ARAP2: variants seen among roughly 807,000 people sequenced by gnomAD.
ARAP2 encodes the protein ArfGAP with RhoGAP domain, ankyrin repeat and PH domain 2.
Under a neutral mutation model 194.5 loss-of-function variants are expected in ARAP2, and 148 were observed. That is an observed-to-expected ratio of 0.76 (90% CI 0.67 to 0.87). ARAP2 has a LOEUF of 0.87. Ranked by LOEUF, ARAP2 falls within the 40% of genes least tolerant of loss-of-function variation. The pLI, the probability that ARAP2 is intolerant of heterozygous loss-of-function variation, is 0.00. For missense variants in ARAP2, 2,128 were observed against 1,989.7 expected (o/e 1.07, Z -1.32); for synonymous variants, 695 against 683.5 (o/e 1.02, Z -0.26).
chr4:36,008,529 C>T (rs1713785214), intron 9 of ARAP2, among the ~76,000 whole-genome samples: 1 of 151,912 alleles, frequency 6.6e-6, no homozygotes, highest in African/African-American at 2.4e-5. Context: ...TACCACCATA[C>T]ACAAAAAATT....
At chr4:36,009,884 G>GA (rs950840981) in intron 9 of ARAP2, among the ~76,000 whole-genome samples, 1 of 143,060 alleles carries the variant, frequency 7.0e-6, no homozygotes, top group African/African-American at 2.6e-5. Context: ...TTTTTTTGGC[G>GA]GGGGGTAGGG....
intron 27 of ARAP2, among the ~76,000 whole-genome samples, chr4:36,096,675 C>A (rs915897186): frequency 6.6e-6 from 1 of 152,072 alleles, no homozygotes; most frequent in Non-Finnish European, 1.5e-5. Flanking sequence ...ATTGATCACA[C>A]CGTCATACTA....
chr4:36,190,157 C>A (rs1334355138), intron 7 of ARAP2, among the ~76,000 whole-genome samples: 1 of 152,182 alleles, frequency 6.6e-6, no homozygotes. Flanking sequence ...ATACTTACTG[C>A]CTCCTCAACC....
chr4:36,173,896 A>G (rs1737217625), intron 9 of ARAP2, among the ~76,000 whole-genome samples: 1 of 152,202 alleles, frequency 6.6e-6, no homozygotes, highest in African/African-American at 2.4e-5. Flanking sequence ...CCTATCACAT[A>G]GCTGTAACAT....
chr4:36,140,671 A>C (rs1390666153), intron 19 of ARAP2, among the ~76,000 whole-genome samples: 1 of 151,720 alleles, frequency 6.6e-6, no homozygotes, highest in Non-Finnish European at 1.5e-5. Flanking sequence ...GATCATATGG[A>C]ATAAGGTGAT....
chr4:36,037,320 C>T (rs1409818888), intron 5 of ARAP2, among the ~76,000 whole-genome samples: 3 of 152,114 alleles, frequency 2.0e-5, no homozygotes, highest in Non-Finnish European at 2.9e-5. Flanking sequence ...CACTGTCATT[C>T]CTCAACTTTG....
intron 28 of ARAP2, among the ~76,000 whole-genome samples, chr4:36,089,904 T>TCAATC (rs1713086610): frequency 6.6e-6 from 1 of 152,094 alleles, no homozygotes; most frequent in South Asian, 2.1e-4. Flanking sequence ...TACATTTTTC[T>TCAATC]CAATCTGGGA....
At chr4:36,014,061 C>A (rs2109316359) in intron 8 of ARAP2, among the ~76,000 whole-genome samples, 1 of 151,520 alleles carries the variant, frequency 6.6e-6, no homozygotes, top group African/African-American at 2.4e-5. Context: ...ACCCCATCTC[C>A]ACCAAAACTA....
chr4:36,071,460 C>T (rs1478019444), intron 32 of ARAP2, among the ~76,000 whole-genome samples: 1 of 152,148 alleles, frequency 6.6e-6, no homozygotes, highest in Admixed American at 6.5e-5. Flanking sequence ...AGCTGGCTCA[C>T]TACTAATTTC....
Position 36,229,517 on chromosome 4 carries a change from A to G in ARAP2, c.-31T>C, listed in dbSNP as rs756286964. The G allele has an allele frequency of 6.5e-7, 1 of 1,540,122 alleles. No individual in the cohort carries two copies. The highest frequency in any genetic ancestry group is 1.9e-5 in the Admixed American group (1 of 52,804). ...TGGCTTCATTACTAAGCTGAGTTAC[A>G]AAAAGTGGCACGATGAGACACACAC... On this transcript the variant is annotated 5_prime_UTR_variant, in exon 2 of 33. Coordinates refer to ENST00000303965, the MANE Select transcript of ARAP2 (RefSeq NM_015230.4).
intron 28 of ARAP2, among the ~76,000 whole-genome samples, chr4:36,084,617 T>A (rs1367138040): frequency 2.6e-5 from 4 of 152,112 alleles, no homozygotes; most frequent in Non-Finnish European, 4.4e-5. Flanking sequence ...TTATATTTTC[T>A]TTACACCTCT....
intron 19 of ARAP2, among the ~76,000 whole-genome samples, chr4:36,142,708 A>T (rs1041660143): frequency 2.0e-5 from 3 of 151,606 alleles, no homozygotes; most frequent in Non-Finnish European, 4.4e-5. Flanking sequence ...CTCTCTGAGG[A>T]AACAAGCAGC....
At chr4:36,119,053 C>T (rs1722070483) in intron 24 of ARAP2, among the ~76,000 whole-genome samples, 1 of 151,372 alleles carries the variant, frequency 6.6e-6, no homozygotes, top group Non-Finnish European at 1.5e-5. Flanking sequence ...GATGACTAAT[C>T]ATCAACCTTA....
At chr4:36,084,228 T>G (rs1419396819) in intron 28 of ARAP2, among the ~76,000 whole-genome samples, 1 of 152,064 alleles carries the variant, frequency 6.6e-6, no homozygotes, top group East Asian at 1.9e-4. Flanking sequence ...CATATATACA[T>G]CTATCCTATT....
At chr4:36,073,549 T>C (rs1047494180) in intron 32 of ARAP2, 140 bp downstream of exon 32, 165 of 961,302 alleles carry the variant, frequency 1.7e-4, no homozygotes, top group Admixed American at 8.2e-5. Flanking sequence ...TTTCTTGCTG[T>C]ATGTGATTAT....
At chr4:36,032,985 A>T (rs941311297) in intron 5 of ARAP2, among the ~76,000 whole-genome samples, 1 of 130,574 alleles carries the variant, frequency 7.7e-6, no homozygotes, top group Non-Finnish European at 1.7e-5. Context: ...CTCCATCCAC[A>T]TTCCTGTAAA....
chr4:36,117,280 T>C, intron 24 of ARAP2, 145 bp from the exon 25 acceptor site: 1 of 546,570 alleles, frequency 1.8e-6, no homozygotes, highest in Non-Finnish European at 3.1e-6. Flanking sequence ...CTCACAAGCA[T>C]GATGTGCCCA....
intron 19 of ARAP2, among the ~76,000 whole-genome samples, chr4:36,138,313 T>A (rs1727345122): frequency 6.6e-6 from 1 of 151,734 alleles, no homozygotes; most frequent in Admixed American, 6.6e-5. Flanking sequence ...CCATGATTAA[T>A]ATGTAGACCA....
At chr4:36,021,210 A>G (rs1478525348) in intron 5 of ARAP2, among the ~76,000 whole-genome samples, 1 of 152,226 alleles carries the variant, frequency 6.6e-6, no homozygotes, top group Middle Eastern at 3.2e-3. Flanking sequence ...AATAAAGTCA[A>G]CAGTGTTTTT....
Sources: gnomAD v4.1 joint callset for allele counts (sites outside exome capture counted in the v4.1 genomes callset) on GRCh38, gnomAD v4.1.1 for gene constraint, MANE v1.5 for transcripts, NCBI Gene and HGNC (gene_info 2026-07-23, HGNC 2026-07-21) for gene names.